Variants in FBXW11 observed in about 807,000 individuals in gnomAD.
FBXW11 encodes F-box/WD repeat-containing protein 11.
FBXW11 carries 19 observed loss-of-function variants against 77.6 expected under a neutral mutation model. That is an observed-to-expected ratio of 0.24 (90% CI 0.17 to 0.36). FBXW11 has a LOEUF of 0.36. FBXW11 is among the 10% of genes least tolerant of loss of function. The pLI is 1.00. For missense variants in FBXW11, 334 were observed against 704.2 expected, an observed-to-expected ratio of 0.47 and a Z score of 5.95; for synonymous variants, 235 against 249.4, an observed-to-expected ratio of 0.94 and a Z score of 0.54.
chr5:171,954,169 A>C (rs143435701), intron 2 of FBXW11, among the ~76,000 whole-genome samples: 56 of 152,332 alleles, frequency 3.7e-4, no homozygotes, highest in African/African-American at 1.3e-3. Context: ...TTAAATTTTT[A>C]ACTCCAAAAA....
intron 1 of FBXW11, chr5:171,997,095 A>G (rs1345735180): frequency 7.8e-7 from 1 of 1,285,410 alleles, no homozygotes; most frequent in East Asian, 5.6e-5. Context: ...CCATGGCACC[A>G]GCGGCAAAGG....
At chr5:171,970,711 G>C (rs1043466961) in intron 1 of FBXW11, among the ~76,000 whole-genome samples, 4 of 152,118 alleles carry the variant, frequency 2.6e-5, no homozygotes, top group Non-Finnish European at 5.9e-5. Flanking sequence ...TGCTTCTTTA[G>C]CTAAGAACAG....
intron 2 of FBXW11, among the ~76,000 whole-genome samples, chr5:171,950,248 T>G (rs1763235429): frequency 6.6e-6 from 1 of 152,130 alleles, no homozygotes; most frequent in African/African-American, 2.4e-5. Flanking sequence ...TATTCAGGGG[T>G]TATGGCAATG....
intron 5 of FBXW11, 77 bp downstream of exon 5, chr5:171,899,837 A>G: frequency 7.0e-6 from 9 of 1,293,736 alleles, no homozygotes; most frequent in Non-Finnish European, 9.6e-6. Context: ...TTGCAAGTAT[A>G]ATTGCATTTT....
intron 7 of FBXW11, among the ~76,000 whole-genome samples, chr5:171,883,698 G>A (rs937322638): frequency 6.6e-6 from 1 of 152,122 alleles, no homozygotes; most frequent in Non-Finnish European, 1.5e-5. Flanking sequence ...GTATCACAAT[G>A]TGGTTTTGAT....
At chr5:171,864,705 T>C (rs949523933) in intron 13 of FBXW11, among the ~76,000 whole-genome samples, 2 of 152,202 alleles carry the variant, frequency 1.3e-5, no homozygotes, top group African/African-American at 4.8e-5. Flanking sequence ...TTCCATAATT[T>C]TTTGACTATG....
chr5:171,863,742 T>C lies in FBXW11; in HGVS notation c.*385A>G, dbSNP rs1450905284. 1.3e-5 allele frequency: 2 copies of C among 152,664 alleles called. No homozygotes were observed. Among genetic ancestry groups the C allele is most frequent in the Non-Finnish European group, 2.9e-5 (2 of 68,030 alleles). 9.5% of individuals were successfully genotyped at this position (152,664 alleles called of 1,614,324 possible). A position where few individuals can be genotyped will look rare whatever the true frequency, so the allele number is the denominator to read the frequency against. ...ACTGAAGAAGAATGCTGTTTCTTAA[T>C]ATCAAACCAAAGTGCAAAGCAATAT... On this transcript the variant is annotated 3_prime_UTR_variant, in exon 14 of 14. Transcript: ENST00000517395.
intron 12 of FBXW11, 68 bp from the exon 13 acceptor site, chr5:171,868,864 C>T (rs1251336215): frequency 3.4e-6 from 5 of 1,454,730 alleles, no homozygotes; most frequent in Non-Finnish European, 4.6e-6. Context: ...CAATGAGAAA[C>T]TGGGCAGAAG....
intron 7 of FBXW11, among the ~76,000 whole-genome samples, chr5:171,889,256 A>G (rs1231996700): frequency 6.6e-6 from 1 of 152,188 alleles, no homozygotes; most frequent in African/African-American, 2.4e-5. Context: ...TGTCAAGTAC[A>G]GTGGCTCACG....
At chr5:171,944,613 C>T (rs548902941) in intron 2 of FBXW11, among the ~76,000 whole-genome samples, 4 of 148,844 alleles carry the variant, frequency 2.7e-5, no homozygotes, top group African/African-American at 9.8e-5. Flanking sequence ...AGAAAACATG[C>T]CAAAAATATT....
chr5:171,865,311 G>A (rs2113731402), intron 13 of FBXW11, among the ~76,000 whole-genome samples: 1 of 151,556 alleles, frequency 6.6e-6, no homozygotes, highest in East Asian at 1.9e-4. Flanking sequence ...CTTCAAACGT[G>A]ATACCTTTTA....
At chr5:171,927,650 T>C (rs1761963801) in intron 2 of FBXW11, among the ~76,000 whole-genome samples, 1 of 152,236 alleles carries the variant, frequency 6.6e-6, no homozygotes, top group Non-Finnish European at 1.5e-5. Context: ...GTTTTTTCCA[T>C]GTGTCATGCA....
intron 6 of FBXW11, among the ~76,000 whole-genome samples, chr5:171,898,239 T>G (rs547199545): frequency 6.6e-6 from 1 of 152,160 alleles, no homozygotes; most frequent in Non-Finnish European, 1.5e-5. Flanking sequence ...TACTTCACAT[T>G]TGGGAAACTG....
chr5:171,936,687 C>T (rs1161360156), intron 2 of FBXW11, among the ~76,000 whole-genome samples: 1 of 152,206 alleles, frequency 6.6e-6, no homozygotes, highest in Non-Finnish European at 1.5e-5. Context: ...ACTACTCTCA[C>T]TACAAGACAG....
At chr5:171,890,414 T>A (rs1000624654) in intron 7 of FBXW11, among the ~76,000 whole-genome samples, 5 of 148,964 alleles carry the variant, frequency 3.4e-5, no homozygotes, top group African/African-American at 1.2e-4. Flanking sequence ...TCCCAGCTAC[T>A]CAGGAGGCTG....
chr5:171,973,766 G>A (rs1409745078), intron 1 of FBXW11, among the ~76,000 whole-genome samples: 2 of 152,134 alleles, frequency 1.3e-5, no homozygotes, highest in African/African-American at 4.8e-5. Context: ...GTGTTGGGGA[G>A]GTAAGGGGGA....
In FBXW11 at chr5:171,904,308, T is replaced by C. The variant is rs1010030713; in HGVS notation, c.437-4208A>G. 6.6e-5 allele frequency among the ~76,000 whole-genome samples: 10 copies of C among 151,784 alleles called. No homozygotes were observed. Among genetic ancestry groups the C allele is most frequent in the African/African-American group, 2.2e-4 (9 of 41,364 alleles). On this transcript the variant is annotated intron_variant, in intron 4 of 13. Transcript: ENST00000517395. This position sits in a 1 kb window ranked among gnomAD's most constrained non-coding sequence, Gnocchi z 4.0. Reference sequence around the variant, plus strand: ...AGACTCTGTCTTTTTTTAAAAAAAATAAAAAATAAAAAGAATGCATTAGAT... The same window carrying C: ...AGACTCTGTCTTTTTTTAAAAAAAACAAAAAATAAAAAGAATGCATTAGAT...
At chr5:171,948,313 G>A (rs1460152143) in intron 2 of FBXW11, among the ~76,000 whole-genome samples, 2 of 150,562 alleles carry the variant, frequency 1.3e-5, no homozygotes, top group African/African-American at 2.4e-5. Flanking sequence ...AGTATAGATA[G>A]ATAAGCATAT....
intron 7 of FBXW11, among the ~76,000 whole-genome samples, chr5:171,883,550 AT>A (rs1758669002): frequency 6.6e-6 from 1 of 152,186 alleles, no homozygotes; most frequent in South Asian, 2.1e-4. Flanking sequence ...AGAAAAAGAA[AT>A]CTCCACATTG....
Sources: gnomAD v4.1 joint callset for allele counts (sites outside exome capture counted in the v4.1 genomes callset) on GRCh38, gnomAD v4.1.1 for gene constraint, Gnocchi (gnomAD v3.1) non-coding constraint, MANE v1.5 for transcripts, NCBI Gene and HGNC (gene_info 2026-07-23, HGNC 2026-07-21) for gene names.